Variants in BRINP1 observed in about 807,000 individuals in gnomAD.
BRINP1 encodes the protein BMP/retinoic acid-inducible neural-specific protein 1.
Under a neutral mutation model 72.9 loss-of-function variants are expected in BRINP1, and 17 were observed. That is an observed-to-expected ratio of 0.23 (90% CI 0.16 to 0.35). The LOEUF (loss-of-function observed/expected upper bound fraction) is 0.35, where lower values mean the gene tolerates loss of function less well. Ranked by LOEUF, BRINP1 falls within the 10% of genes least tolerant of loss-of-function variation. The pLI is 1.00. For missense variants in BRINP1, 850 were observed against 1,001.6 expected, an observed-to-expected ratio of 0.85 and a Z score of 2.04; for synonymous variants, 418 against 378.5, an observed-to-expected ratio of 1.10 and a Z score of -1.21.
intron 5 of BRINP1, among the ~76,000 whole-genome samples, chr9:119,236,030 C>T (rs1336070736): frequency 1.3e-5 from 2 of 152,300 alleles, no homozygotes; most frequent in Admixed American, 6.5e-5. Context: ...CTTCTCCCTT[C>T]CTACTAGATT....
chr9:119,286,001 T>TC (rs1017079846), intron 2 of BRINP1, among the ~76,000 whole-genome samples: 27 of 152,222 alleles, frequency 1.8e-4, no homozygotes, highest in African/African-American at 6.3e-4. Context: ...CTCATCATTC[T>TC]CCCCCAATTA....
chr9:119,205,354 G>A (rs1457079131), intron 7 of BRINP1, among the ~76,000 whole-genome samples: 1 of 152,176 alleles, frequency 6.6e-6, no homozygotes, highest in African/African-American at 2.4e-5. Context: ...CAGGTGAGAA[G>A]AATATGATGA....
chr9:119,237,879 C>G (rs1211542072), intron 5 of BRINP1, among the ~76,000 whole-genome samples: 1 of 151,954 alleles, frequency 6.6e-6, no homozygotes, highest in African/African-American at 2.4e-5. Context: ...CCAGGCTGGA[C>G]TTAAACTCCT....
chr9:119,208,684 G>A lies in BRINP1; in HGVS notation c.1145+35C>T, dbSNP rs145975093. 2.1e-4 allele frequency: 326 copies of A among 1,585,498 alleles called. 1 individual carries two copies. The highest frequency in any genetic ancestry group is 6.7e-4 in the Middle Eastern group (3 of 4,460). On this transcript the variant is annotated intron_variant, in intron 7 of 7. Transcript: ENST00000265922. The stretch of plus-strand genomic sequence containing the variant: ...AGATAATGTAGCTAACGCCAGGTAG[G>A]TGCCTGCAGAGGTGGAGGTGGTGGC...
intron 7 of BRINP1, among the ~76,000 whole-genome samples, chr9:119,169,886 G>A (rs1283480526): frequency 3.3e-5 from 5 of 151,918 alleles, no homozygotes; most frequent in East Asian, 1.9e-4. Flanking sequence ...ACACGTCACA[G>A]GCAGGGTATT....
chr9:119,179,655 T>C (rs2118836432), intron 7 of BRINP1, among the ~76,000 whole-genome samples: 1 of 152,284 alleles, frequency 6.6e-6, no homozygotes. Context: ...CCTTGTGATT[T>C]TTATCCCACC....
chr9:119,211,140 G>T (rs1296850649), intron 6 of BRINP1, among the ~76,000 whole-genome samples: 2 of 151,838 alleles, frequency 1.3e-5, no homozygotes, highest in Non-Finnish European at 2.9e-5. Flanking sequence ...TAAGAAAATA[G>T]AATTTAAGAG....
intron 2 of BRINP1, among the ~76,000 whole-genome samples, chr9:119,252,508 A>G (rs1171368860): frequency 6.6e-6 from 1 of 151,864 alleles, no homozygotes; most frequent in Non-Finnish European, 1.5e-5. Flanking sequence ...ATATGCATAT[A>G]AACATACTGA....
intron 2 of BRINP1, among the ~76,000 whole-genome samples, chr9:119,251,695 G>A (rs962538415): frequency 4.1e-4 from 4 of 9,644 alleles, no homozygotes; most frequent in Non-Finnish European, 9.6e-4. Flanking sequence ...AATAAAATAG[G>A]GGGGAGCATG....
intron 7 of BRINP1, among the ~76,000 whole-genome samples, chr9:119,192,256 T>C (rs1272707401): frequency 2.0e-5 from 3 of 152,014 alleles, no homozygotes; most frequent in South Asian, 2.1e-4. Context: ...AATGAGCCTA[T>C]AGTAAACTAA....
At chr9:119,345,977 G>A (rs978810669) in intron 1 of BRINP1, among the ~76,000 whole-genome samples, 1 of 152,026 alleles carries the variant, frequency 6.6e-6, no homozygotes, top group Non-Finnish European at 1.5e-5. Context: ...TAGTTAGAGG[G>A]GAAGCCTGAG....
intron 2 of BRINP1, among the ~76,000 whole-genome samples, chr9:119,267,191 A>G (rs555176022): frequency 6.6e-6 from 1 of 152,356 alleles, no homozygotes; most frequent in South Asian, 2.1e-4. Flanking sequence ...GTGGAATATG[A>G]AAGAAAAAGA....
chr9:119,228,525 T>G (rs1191873461), intron 5 of BRINP1, among the ~76,000 whole-genome samples: 2 of 150,444 alleles, frequency 1.3e-5, no homozygotes, highest in African/African-American at 2.4e-5. Flanking sequence ...AATCAAAGAG[T>G]TATAATGGGA....
chr9:119,249,233 T>A lies in BRINP1; in HGVS notation c.219-83A>T, dbSNP rs559789767. The A allele has an allele frequency of 2.0e-5, 27 of 1,364,902 alleles. No homozygotes were observed. The South Asian group carries it at 3.8e-4, about 19-fold the overall frequency. The allele number at this position is 1,364,902 out of a possible 1,614,324, so 84.5% of individuals were successfully genotyped here. On this transcript the variant is annotated intron_variant, in intron 2 of 7. Transcript: ENST00000265922. ...GTCCACCCAACCATCCATCCAGGCATCTCTCCTTAAGTGGGAAAGTGCCTA... is the reference window on the plus strand; with the variant it reads ...GTCCACCCAACCATCCATCCAGGCAACTCTCCTTAAGTGGGAAAGTGCCTA...
intron 6 of BRINP1, among the ~76,000 whole-genome samples, chr9:119,210,035 A>G (rs1829906680): frequency 6.6e-6 from 1 of 152,216 alleles, no homozygotes; most frequent in Non-Finnish European, 1.5e-5. Context: ...ATCCATAGAA[A>G]TTATCTAGTT....
At chr9:119,348,673 A>G (rs1188567027) in intron 1 of BRINP1, among the ~76,000 whole-genome samples, 2 of 152,190 alleles carry the variant, frequency 1.3e-5, no homozygotes, top group Admixed American at 6.5e-5. Context: ...CTCTTTGAAG[A>G]ATCTCCTGAT....
intron 2 of BRINP1, among the ~76,000 whole-genome samples, chr9:119,272,000 T>C (rs1167821254): frequency 1.3e-5 from 2 of 151,028 alleles, no homozygotes; most frequent in Non-Finnish European, 2.9e-5. Flanking sequence ...TTTCCCCTTT[T>C]AAAAATTTTT....
At chr9:119,221,668 C>T (rs1011442044) in intron 5 of BRINP1, among the ~76,000 whole-genome samples, 1 of 152,136 alleles carries the variant, frequency 6.6e-6, no homozygotes, top group Non-Finnish European at 1.5e-5. Context: ...GAAATGTCCC[C>T]TCCTGGTTAG....
At chr9:119,269,004 C>T (rs1218952565) in intron 2 of BRINP1, among the ~76,000 whole-genome samples, 1 of 152,220 alleles carries the variant, frequency 6.6e-6, no homozygotes, top group Non-Finnish European at 1.5e-5. Flanking sequence ...ATGCTTCTCA[C>T]AGCTGTGTGA....
Sources: gnomAD v4.1 joint callset for allele counts (sites outside exome capture counted in the v4.1 genomes callset) on GRCh38, gnomAD v4.1.1 for gene constraint, MANE v1.5 for transcripts, NCBI Gene and HGNC (gene_info 2026-07-23, HGNC 2026-07-21) for gene names.